Variants in UGT2B17 observed in about 807,000 individuals in gnomAD.
The protein encoded by UGT2B17 is UDP-glucuronosyltransferase 2B17.
Under a neutral mutation model 48.2 loss-of-function variants are expected in UGT2B17, and 21 were observed. The observed-to-expected ratio is 0.44, with a 90% CI of 0.31 to 0.63. The LOEUF (loss-of-function observed/expected upper bound fraction) is 0.63, where lower values mean the gene tolerates loss of function less well. UGT2B17 is among the 20% of genes least tolerant of loss of function. The probability of loss-of-function intolerance (pLI) is 0.08; values close to 1 mark genes in which losing one functional copy is unlikely to be tolerated. For synonymous variants in UGT2B17, 146 were observed against 238.4 expected, an observed-to-expected ratio of 0.61 and a Z score of 3.57; for missense variants, 402 against 696.1, an observed-to-expected ratio of 0.58 and a Z score of 4.75.
rs191968547 is a variant in UGT2B17 at position 68,539,089 on chromosome 4, C to T, written c.1314-1185G>A. Among the ~76,000 whole-genome samples, 11 of 125,958 alleles carry T rather than the reference C, an allele frequency of 8.7e-5. 2 individuals carry two copies. The highest frequency in any genetic ancestry group is 2.7e-4 in the African/African-American group (10 of 37,036). 82.6% of individuals were successfully genotyped at this position (125,958 alleles called of 152,430 possible). Reference sequence around the variant, plus strand: ...TTTAAAATATGTTATATATCTTCCACAATAAAAGTTTAAGTATGAAATACA... The same window carrying T: ...TTTAAAATATGTTATATATCTTCCATAATAAAAGTTTAAGTATGAAATACA... On this transcript the variant is annotated intron_variant, in intron 6 of 6. Coordinates refer to ENST00000317746, the MANE Select transcript of UGT2B17 (RefSeq NM_001077.4).
rs777407067 is a variant in UGT2B17, at chr4:68,540,877, T to C, written c.1314-2973A>G. On this transcript the variant is annotated intron_variant, in intron 6 of 6. Transcript: ENST00000317746. The stretch of plus-strand genomic sequence containing the variant: ...ATTCTCATTTTTCGACTCCCTCTTA[T>C]GAGTGAGAACATGTGGTGTTTGGTT... Among the ~76,000 whole-genome samples, 4 of 125,410 alleles carry C rather than the reference T, an allele frequency of 3.2e-5. 1 individual carries two copies. Among genetic ancestry groups the C allele is most frequent in the Non-Finnish European group, 6.7e-5 (4 of 59,352 alleles). 82.3% of individuals were successfully genotyped at this position (125,410 alleles called of 152,430 possible). A position where few individuals can be genotyped will look rare whatever the true frequency, so the allele number is the denominator to read the frequency against.
Position 68,563,065 on chromosome 4 carries a change from A to G in UGT2B17, c.874-2397T>C, listed in dbSNP as rs1217438709. Among the ~76,000 whole-genome samples, 28 of 127,178 alleles carry G rather than the reference A, an allele frequency of 2.2e-4. 10 individuals are homozygous for G. The highest frequency in any genetic ancestry group is 4.7e-4 in the Non-Finnish European group (28 of 59,902). 83.4% of individuals were successfully genotyped at this position (127,178 alleles called of 152,430 possible). ...TTTGCTACTAATATTGAATCTTACC[A>G]TCATGATTTATTCTCTGTACAGTTT... On this transcript the variant is annotated intron_variant, in intron 3 of 6. Transcript: ENST00000317746.
intron 3 of UGT2B17, among the ~76,000 whole-genome samples, chr4:68,561,468 A>T (rs1162307650): frequency 8.0e-6 from 1 of 124,658 alleles, no homozygotes; most frequent in Admixed American, 8.3e-5. Context: ...TTTAGGTATG[A>T]CTATGATACC....
intron 3 of UGT2B17, among the ~76,000 whole-genome samples, chr4:68,562,938 T>A (rs1421551495): frequency 7.9e-6 from 1 of 126,574 alleles, no homozygotes; most frequent in Non-Finnish European, 1.7e-5. Context: ...AACATTGTTT[T>A]GAAAAAATGG....
chr4:68,537,598 T>C lies in UGT2B17; in HGVS notation c.*27A>G, dbSNP rs539157531. ...ATAAAGGAGGAGTCCCATCTTTTGG[T>C]CATTCCACTTCAGGCTTTTGATATA... On this transcript the variant is annotated 3_prime_UTR_variant, in exon 7 of 7. Transcript: ENST00000317746. The C allele has an allele frequency of 1.0e-4, 134 of 1,316,628 alleles. 53 individuals carry two copies. The East Asian group carries it at 7.9e-3, about 77-fold the overall frequency. The allele number at this position is 1,316,628 out of a possible 1,614,324, so 81.6% of individuals were successfully genotyped here. A position where few individuals can be genotyped will look rare whatever the true frequency, so the allele number is the denominator to read the frequency against.
Position 68,545,749 on chromosome 4 carries a change from C to A in UGT2B17, c.1313+4928G>T, listed in dbSNP as rs1730790226. Among the ~76,000 whole-genome samples, 2 of 125,294 alleles carry A rather than the reference C, an allele frequency of 1.6e-5. 1 individual carries two copies. The highest frequency in any genetic ancestry group is 3.4e-5 in the Non-Finnish European group (2 of 59,350). The allele number at this position is 125,294 out of a possible 152,430, so 82.2% of individuals were successfully genotyped here. On this transcript the variant is annotated intron_variant, in intron 6 of 6. Transcript: ENST00000317746. The stretch of plus-strand genomic sequence containing the variant: ...AAAAATGATTAAGGGGGTATCACCA[C>A]CGATTCCAGAGAAATACAAACTACC...
rs1268047790 is a variant in UGT2B17 at position 68,574,904 on chromosome 4, G to A, written c.-65+1047C>T. 2.5e-5 allele frequency among the ~76,000 whole-genome samples: 3 copies of A among 119,872 alleles called. 1 individual carries two copies. The highest frequency in any genetic ancestry group is 3.5e-5 in the Non-Finnish European group (2 of 57,964). The allele number at this position is 119,872 out of a possible 152,430, so 78.6% of individuals were successfully genotyped here. On this transcript the variant is annotated intron_variant, in intron 1 of 6. Transcript: ENST00000317746. ...AACAAGTTAATTTATTTCAGGACAA[G>A]AATTTACCATATAACACTCTTTTTA...
chr4:68,567,836 A>G lies in UGT2B17; in HGVS notation c.649T>C (p.Tyr217His), dbSNP rs367742771. ...AACCAAAAGTCAAAATAAAGCATAT[A>G]TATCATATTTTTTATCCTCTCCATG... ...IFMERIKNMI[Y>H]MLYFDFWFQA... Residue 217 changes from tyrosine (Y) to histidine (H), a missense_variant, in exon 2 of 7, where the codon TAT (tyrosine) becomes CAT (histidine). Tyr to His is a moderately conservative substitution (Grantham distance 83). Around this residue, in one of 5 missense-constraint regions of UGT2B17, gnomAD observed 106 missense variants for 169.8 expected, o/e 0.62. Transcript: ENST00000317746. The G allele has an allele frequency of 2.9e-5, 40 of 1,375,062 alleles. 8 individuals carry two copies. The highest frequency in any genetic ancestry group is 3.3e-5 in the Non-Finnish European group (35 of 1,052,948). 85.2% of individuals were successfully genotyped at this position (1,375,062 alleles called of 1,614,324 possible).
Position 68,543,546 on chromosome 4 carries a change from G to A in UGT2B17, c.1314-5642C>T, listed in dbSNP as rs1446729951. ...AATGCCTCTCCTCCTCCAAAGAAAT[G>A]CAGCTCCTCACCAGCAATGGAACAA... is the stretch of plus-strand genomic sequence containing the variant. On this transcript the variant is annotated intron_variant, in intron 6 of 6. Transcript: ENST00000317746. 5.6e-5 allele frequency among the ~76,000 whole-genome samples: 7 copies of A among 125,960 alleles called. 2 individuals carry two copies. The highest frequency in any genetic ancestry group is 1.9e-4 in the African/African-American group (7 of 36,860). The allele number at this position is 125,960 out of a possible 152,430, so 82.6% of individuals were successfully genotyped here.
Position 68,542,702 on chromosome 4 carries a change from G to T in UGT2B17, c.1314-4798C>A, listed in dbSNP as rs2109759405. ...ATTCCCTTCCCTAGCCAAGGATAGG[G>T]GTAACAGATGGCACCTGGAAAATTG... On this transcript the variant is annotated intron_variant, in intron 6 of 6. Transcript: ENST00000317746. Among the ~76,000 whole-genome samples the T allele has an allele frequency of 1.6e-5, 2 of 127,156 alleles. 1 individual carries two copies. Among genetic ancestry groups the T allele is most frequent in the Middle Eastern group, 7.9e-3 (2 of 254 alleles). 83.4% of individuals were successfully genotyped at this position (127,156 alleles called of 152,430 possible). A position where few individuals can be genotyped will look rare whatever the true frequency, so the allele number is the denominator to read the frequency against.
Position 68,565,005 on chromosome 4 carries a change from G to C in UGT2B17, c.873+567C>G, listed in dbSNP as rs1279042278. ...TTATAGGTGTGAGCCACCTTGCCTG[G>C]CCTCTGGTTTTCTTTTTGGGTCTTT... On this transcript the variant is annotated intron_variant, in intron 3 of 6. Coordinates refer to ENST00000317746, the MANE Select transcript of UGT2B17 (RefSeq NM_001077.4). Among the ~76,000 whole-genome samples the C allele has an allele frequency of 2.4e-5, 3 of 125,966 alleles. 1 individual carries two copies. Among genetic ancestry groups the C allele is most frequent in the African/African-American group, 8.1e-5 (3 of 36,884 alleles). 82.6% of individuals were successfully genotyped at this position (125,966 alleles called of 152,430 possible).
At position 68,548,140 on chromosome 4, in the gene UGT2B17, G is replaced by A. The variant is rs1560576251; in HGVS notation, c.1313+2537C>T. The stretch of plus-strand genomic sequence containing the variant: ...CATGTGCACAAGTATGTTTATGGAG[G>A]CACTATTCACAATAGCAAAGACTTG... On this transcript the variant is annotated intron_variant, in intron 6 of 6. Transcript: ENST00000317746. Among the ~76,000 whole-genome samples, 3 of 126,508 alleles carry A rather than the reference G, an allele frequency of 2.4e-5. 1 individual carries two copies. The allele number at this position is 126,508 out of a possible 152,430, so 83.0% of individuals were successfully genotyped here. A position where few individuals can be genotyped will look rare whatever the true frequency, so the allele number is the denominator to read the frequency against.
chr4:68,550,323 T>G lies in UGT2B17; in HGVS notation c.1313+354A>C, dbSNP rs1237084424. 2.4e-5 allele frequency among the ~76,000 whole-genome samples: 3 copies of G among 126,072 alleles called. 1 individual carries two copies. The highest frequency in any genetic ancestry group is 5.0e-5 in the Non-Finnish European group (3 of 59,538). The allele number at this position is 126,072 out of a possible 152,430, so 82.7% of individuals were successfully genotyped here. On this transcript the variant is annotated intron_variant, in intron 6 of 6. Coordinates refer to ENST00000317746, the MANE Select transcript of UGT2B17 (RefSeq NM_001077.4). Reference sequence around the variant, plus strand: ...ATAAAAATAAATTTTTGAGAAAGAATAGATTCATACTTTCAGAAATTTTAG... The same window carrying G: ...ATAAAAATAAATTTTTGAGAAAGAAGAGATTCATACTTTCAGAAATTTTAG...
rs541713153 is a variant in UGT2B17, at chr4:68,545,917, T to C, written c.1313+4760A>G. Reference sequence around the variant, plus strand: ...AATAGACTAATAACAGGCTCTGAAATTGAGGCAATAATTAATAGCTTACCA... The same window carrying C: ...AATAGACTAATAACAGGCTCTGAAACTGAGGCAATAATTAATAGCTTACCA... On this transcript the variant is annotated intron_variant, in intron 6 of 6. Coordinates refer to ENST00000317746, the MANE Select transcript of UGT2B17 (RefSeq NM_001077.4). Among the ~76,000 whole-genome samples, 75 of 125,570 alleles carry C rather than the reference T, an allele frequency of 6.0e-4. 10 individuals are homozygous for C. The highest frequency in any genetic ancestry group is 2.0e-3 in the African/African-American group (72 of 36,850). The allele number at this position is 125,570 out of a possible 152,430, so 82.4% of individuals were successfully genotyped here.
In UGT2B17 at chr4:68,565,557, C is replaced by A; in HGVS notation, c.873+15G>T. 2 of 1,353,066 alleles carry A rather than the reference C, an allele frequency of 1.5e-6. No homozygotes were observed. Among genetic ancestry groups the A allele is most frequent in the South Asian group, 1.8e-5 (1 of 55,684 alleles). 83.8% of individuals were successfully genotyped at this position (1,353,066 alleles called of 1,614,324 possible). Reference sequence around the variant, plus strand: ...GAAAATGTCAAGCAAACAAATGAAACAAGAATATGTTCACCTTAGGCAAGG... The same window carrying A: ...GAAAATGTCAAGCAAACAAATGAAAAAAGAATATGTTCACCTTAGGCAAGG... On this transcript the variant is annotated intron_variant, in intron 3 of 6. Coordinates refer to ENST00000317746, the MANE Select transcript of UGT2B17 (RefSeq NM_001077.4).
intron 3 of UGT2B17, among the ~76,000 whole-genome samples, chr4:68,561,804 AAAAG>A (rs1388906062): frequency 8.1e-6 from 1 of 123,654 alleles, no homozygotes; most frequent in African/African-American, 2.7e-5. Flanking sequence ...AAAAAAAAGA[AAAAG>A]AAAGAGAGAA....
chr4:68,565,790 C>T, intron 2 of UGT2B17, 70 bp from the exon 3 acceptor site: 1 of 1,257,070 alleles, frequency 8.0e-7, no homozygotes, highest in African/African-American at 1.6e-5. Flanking sequence ...ATTGAATATG[C>T]AGGTATTTTC....
intron 4 of UGT2B17, among the ~76,000 whole-genome samples, chr4:68,557,984 C>T (rs1387373544): frequency 1.6e-5 from 2 of 125,232 alleles, no homozygotes; most frequent in African/African-American, 5.4e-5. Flanking sequence ...TCACCCAACT[C>T]ATAGGTATTT....
rs1209863911 is a variant in UGT2B17 at position 68,539,465 on chromosome 4, T to C, written c.1314-1561A>G. ...TAACATTTTTTGATCTTACTAATAA[T>C]TATGGTATTAAGATATTTATATATT... is the stretch of plus-strand genomic sequence containing the variant. On this transcript the variant is annotated intron_variant, in intron 6 of 6. Coordinates refer to ENST00000317746, the MANE Select transcript of UGT2B17 (RefSeq NM_001077.4). Among the ~76,000 whole-genome samples, 2 of 125,584 alleles carry C rather than the reference T, an allele frequency of 1.6e-5. 1 individual carries two copies. The highest frequency in any genetic ancestry group is 5.4e-5 in the African/African-American group (2 of 36,984). The allele number at this position is 125,584 out of a possible 152,430, so 82.4% of individuals were successfully genotyped here.
Sources: allele counts gnomAD v4.1 joint callset (sites outside exome capture counted in the v4.1 genomes callset), GRCh38; gene constraint gnomAD v4.1.1; regional missense constraint gnomAD v4.1.1; transcripts MANE v1.5; gene names NCBI Gene and HGNC (gene_info 2026-07-23, HGNC 2026-07-21).